PHF21A: variants seen among roughly 807,000 people sequenced by gnomAD.
PHF21A encodes the protein PHD finger protein 21A.
In PHF21A, 11 loss-of-function variants were observed where a neutral mutation model predicts 82.5. The observed-to-expected ratio is 0.13, with a 90% CI of 0.08 to 0.22. PHF21A has a LOEUF of 0.22. Ranked by LOEUF, PHF21A falls within the 10% of genes least tolerant of loss-of-function variation. The pLI is 1.00. For synonymous variants in PHF21A, 297 were observed against 302.8 expected (o/e 0.98, Z 0.20); for missense variants, 579 against 837.8 (o/e 0.69, Z 3.81).
intron 1 of PHF21A, among the ~76,000 whole-genome samples, chr11:46,113,959 C>A (rs549070169): frequency 5.3e-4 from 81 of 151,850 alleles, no homozygotes; most frequent in African/African-American, 1.7e-3. Context: ...ATATTGCCCA[C>A]CAGGAAATAA....
intron 5 of PHF21A, among the ~76,000 whole-genome samples, chr11:46,077,987 C>T (rs2096747231): frequency 6.6e-6 from 1 of 152,166 alleles, no homozygotes; most frequent in Non-Finnish European, 1.5e-5. Context: ...TCTTGGCTCA[C>T]TGCAACCTCT....
intron 17 of PHF21A, 70 bp from the exon 18 acceptor site, chr11:45,935,809 C>A: frequency 1.3e-6 from 1 of 758,266 alleles, no homozygotes. Flanking sequence ...CCTCTGTGCT[C>A]AGAATGCCTG....
At chr11:46,024,308 C>T (rs2137994530) in intron 6 of PHF21A, among the ~76,000 whole-genome samples, 1 of 152,302 alleles carries the variant, frequency 6.6e-6, no homozygotes, top group East Asian at 1.9e-4. Flanking sequence ...CCCTATATCT[C>T]TTTCCTCTGT....
In PHF21A at chr11:46,008,320, C is replaced by G. The variant is rs2095341879; in HGVS notation, c.154-28354G>C. On this transcript the variant is annotated intron_variant, in intron 6 of 18. Transcript: ENST00000676320. ...TGTCCTTATTAAAGAAAATACAGAGCAGAGTTCCACACTGTGAAGCATATC... is the reference window on the plus strand; with the variant it reads ...TGTCCTTATTAAAGAAAATACAGAGGAGAGTTCCACACTGTGAAGCATATC... Among the ~76,000 whole-genome samples, 3 of 152,268 alleles carry G rather than the reference C, an allele frequency of 2.0e-5. No individual in the cohort carries two copies. In the South Asian group the frequency reaches 6.2e-4, roughly 32 times the overall value.
intron 3 of PHF21A, among the ~76,000 whole-genome samples, chr11:46,089,986 T>C (rs775077634): frequency 1.3e-5 from 2 of 151,928 alleles, no homozygotes; most frequent in Non-Finnish European, 2.9e-5. Flanking sequence ...CAGCCCAATA[T>C]ACAGTTTCTA....
chr11:46,061,752 A>T (rs2096537432), intron 6 of PHF21A, among the ~76,000 whole-genome samples: 1 of 152,096 alleles, frequency 6.6e-6, no homozygotes, highest in South Asian at 2.1e-4. Context: ...TTTTCCCTTC[A>T]TCAAATGGGA....
intron 7 of PHF21A, among the ~76,000 whole-genome samples, chr11:45,976,607 C>T (rs1165968919): frequency 6.6e-6 from 1 of 152,090 alleles, no homozygotes; most frequent in Non-Finnish European, 1.5e-5. Flanking sequence ...TGTGGGAGAC[C>T]GAGATGGGTG....
chr11:46,035,730 A>T (rs1177375771), intron 6 of PHF21A, among the ~76,000 whole-genome samples: 1 of 152,214 alleles, frequency 6.6e-6, no homozygotes, highest in Admixed American at 6.5e-5. Flanking sequence ...GGAGGAGAAC[A>T]GTGTCTCAGA....
In PHF21A at chr11:45,932,937, CA is replaced by C. The variant is rs1266108365; in HGVS notation, c.*1030del. 2.0e-5 allele frequency: 3 copies of C among 151,962 alleles called. No individual in the cohort carries two copies. Among genetic ancestry groups the C allele is most frequent in the African/African-American group, 7.3e-5 (3 of 41,266 alleles). The allele number at this position is 151,962 out of a possible 1,614,324, so 9.4% of individuals were successfully genotyped here. ...TTTGTTACCAAGAAAGTAAAATGAA[CA>C]GTAAAATAAAACTTTCCTTAAAGAA... On this transcript the variant is annotated 3_prime_UTR_variant, in exon 19 of 19. Transcript: ENST00000676320. The surrounding 1 kb of genome is among the most constrained non-coding windows in gnomAD (Gnocchi z 4.3).
At chr11:46,059,077 TA>T (rs1302671508) in intron 6 of PHF21A, among the ~76,000 whole-genome samples, 1 of 152,204 alleles carries the variant, frequency 6.6e-6, no homozygotes, top group African/African-American at 2.4e-5. Context: ...TAGATTCTAC[TA>T]TACATACCAA....
At chr11:45,950,854 C>T (rs1020928153) in intron 11 of PHF21A, among the ~76,000 whole-genome samples, 1 of 152,216 alleles carries the variant, frequency 6.6e-6, no homozygotes, top group Non-Finnish European at 1.5e-5. Flanking sequence ...CTTGTCACGA[C>T]TAGGTCAGTT....
chr11:45,959,410 C>T (rs1462493471), intron 10 of PHF21A, among the ~76,000 whole-genome samples: 1 of 152,200 alleles, frequency 6.6e-6, no homozygotes, highest in Non-Finnish European at 1.5e-5. Flanking sequence ...ATTTCCTTGA[C>T]TTTATAAAAA....
chr11:46,014,638 C>A (rs900804759), intron 6 of PHF21A, among the ~76,000 whole-genome samples: 1 of 152,154 alleles, frequency 6.6e-6, no homozygotes. Flanking sequence ...TATGTGTTCC[C>A]TTTTTTCCAT....
intron 6 of PHF21A, among the ~76,000 whole-genome samples, chr11:46,010,820 C>G (rs2095397367): frequency 6.6e-6 from 1 of 152,162 alleles, no homozygotes; most frequent in African/African-American, 2.4e-5. Context: ...ACCCAGTGGA[C>G]TGAGGATAAT....
intron 6 of PHF21A, among the ~76,000 whole-genome samples, chr11:46,056,783 C>T (rs2139349961): frequency 6.6e-6 from 1 of 152,204 alleles, no homozygotes; most frequent in African/African-American, 2.4e-5. Context: ...TTAAGATTAG[C>T]TATAGAATCC....
intron 7 of PHF21A, among the ~76,000 whole-genome samples, chr11:45,976,735 G>A (rs903982223): frequency 6.6e-6 from 1 of 152,118 alleles, no homozygotes; most frequent in Admixed American, 6.5e-5. Context: ...CCAGCTACCC[G>A]GGAGGCTGAG....
chr11:46,057,666 C>CT (rs1268528272), intron 6 of PHF21A, among the ~76,000 whole-genome samples: 1 of 152,144 alleles, frequency 6.6e-6, no homozygotes, highest in Non-Finnish European at 1.5e-5. Flanking sequence ...CAAGAGGTCT[C>CT]ACAAGTGCAA....
chr11:45,997,710 G>T (rs994548846), intron 6 of PHF21A, among the ~76,000 whole-genome samples: 1 of 152,142 alleles, frequency 6.6e-6, no homozygotes, highest in East Asian at 1.9e-4. Flanking sequence ...ACCTGTTCAG[G>T]ATCTGTTGTT....
intron 6 of PHF21A, among the ~76,000 whole-genome samples, chr11:46,058,571 T>C (rs1028947912): frequency 1.4e-4 from 21 of 152,228 alleles, no homozygotes; most frequent in Non-Finnish European, 2.2e-4. Flanking sequence ...CCATCTAGCA[T>C]GTTAAATAAT....
Sources: allele counts gnomAD v4.1 joint callset (sites outside exome capture counted in the v4.1 genomes callset), GRCh38; gene constraint gnomAD v4.1.1; non-coding constraint Gnocchi (gnomAD v3.1); transcripts MANE v1.5; gene names NCBI Gene and HGNC (gene_info 2026-07-23, HGNC 2026-07-21).